Variants in NBAS observed in about 807,000 individuals in gnomAD.
The protein encoded by NBAS is NAG/BC035112 fusion.
NBAS carries 219 observed loss-of-function variants against 302.5 expected under a neutral mutation model. The observed-to-expected ratio is 0.72, with a 90% confidence interval of 0.65 to 0.81. NBAS has a LOEUF of 0.81. NBAS is among the 30% of genes least tolerant of loss of function. The pLI, the probability that NBAS is intolerant of heterozygous loss-of-function variation, is 0.00. For synonymous variants in NBAS, 1,118 were observed against 1,021.6 expected (o/e 1.09, Z -1.80); for missense variants, 2,932 against 2,841.6 (o/e 1.03, Z -0.72).
chr2:15,551,336 A>G (rs930413153), intron 6 of NBAS, among the ~76,000 whole-genome samples, 157 bp downstream of exon 6: 3 of 69,196 alleles, frequency 4.3e-5, no homozygotes, highest in African/African-American at 1.1e-4. Context: ...AATATTTAAG[A>G]CAGTAAAAAA....
intron 47 of NBAS, among the ~76,000 whole-genome samples, chr2:15,228,116 T>C (rs530462523): frequency 6.6e-6 from 1 of 152,216 alleles, no homozygotes; most frequent in South Asian, 2.1e-4. Context: ...ATTCAGGATA[T>C]ACAAGGAACT....
chr2:15,288,595 T>C (rs993018624), intron 41 of NBAS, among the ~76,000 whole-genome samples: 37 of 152,234 alleles, frequency 2.4e-4, no homozygotes, highest in African/African-American at 8.9e-4. Context: ...GATTTGAGAA[T>C]CTCTAGGCAT....
the NBAS span, among the ~76,000 whole-genome samples, chr2:14,953,689 G>A: frequency 1.7e-4 from 26 of 152,274 alleles, no homozygotes; most frequent in Admixed American, 9.2e-4. Flanking sequence ...CTTTCAGCCA[G>A]CCTAAAATCA....
chr2:14,794,731 T>C, the NBAS span, among the ~76,000 whole-genome samples: 12 of 152,304 alleles, frequency 7.9e-5, no homozygotes, highest in Admixed American at 7.2e-4. Context: ...AATTTCCTCA[T>C]GCCCCAATGT....
chr2:14,894,549 A>G, the NBAS span, among the ~76,000 whole-genome samples: 3 of 151,826 alleles, frequency 2.0e-5, no homozygotes, highest in African/African-American at 7.2e-5. Flanking sequence ...AAATATATAT[A>G]TAAATATAAA....
In NBAS at chr2:15,473,241, G is replaced by T; in HGVS notation, c.1706C>A (p.Ala569Asp). Residue 569 changes from alanine to aspartate, a missense_variant, in exon 16 of 52, where the codon GCT becomes GAT. Ala to Asp is a moderately radical substitution (Grantham distance 126, BLOSUM62 -2). Coordinates refer to ENST00000281513, the MANE Select transcript of NBAS (RefSeq NM_015909.4). ...RQWRKSAVNV[A>D]SIQNYLSKIK... ...ACATACCAAATAATTCTGAATTGAA[G>T]CAACGTTGACCGCTGACTTCCTCCA... 2.5e-6 allele frequency: 4 copies of T among 1,613,998 alleles called. No individual in the cohort carries two copies. The highest frequency in any genetic ancestry group is 3.4e-6 in the Non-Finnish European group (4 of 1,179,924).
intron 3 of NBAS, among the ~76,000 whole-genome samples, chr2:15,556,133 C>T (rs888855996): frequency 3.3e-5 from 5 of 152,092 alleles, no homozygotes; most frequent in Admixed American, 1.3e-4. Context: ...AGCAGAAAGA[C>T]GTTGGAGCAA....
chr2:15,199,231 T>C (rs977967045), intron 48 of NBAS, among the ~76,000 whole-genome samples: 2 of 151,632 alleles, frequency 1.3e-5, no homozygotes, highest in African/African-American at 4.8e-5. Context: ...GAAGGAAATA[T>C]TGCCCTAAGA....
chr2:14,989,436 T>C, the NBAS span, among the ~76,000 whole-genome samples: 423 of 152,090 alleles, frequency 2.8e-3, no homozygotes, highest in African/African-American at 9.7e-3. Context: ...CGCATGCCTA[T>C]AGTACCAGCT....
the NBAS span, among the ~76,000 whole-genome samples, chr2:14,794,831 A>C: frequency 4.6e-5 from 7 of 152,174 alleles, no homozygotes; most frequent in African/African-American, 1.7e-4. Context: ...GCATTTTCTA[A>C]AATTTTAAAT....
the NBAS span, among the ~76,000 whole-genome samples, chr2:14,818,026 C>T: frequency 6.6e-6 from 1 of 152,096 alleles, no homozygotes; most frequent in African/African-American, 2.4e-5. Context: ...GCTTTTCCCA[C>T]CCACGAAGTT....
chr2:15,249,117 T>C (rs6728863), intron 44 of NBAS, among the ~76,000 whole-genome samples: 91,651 of 151,984 alleles, frequency 0.6, 30,298 homozygotes, highest in African/African-American at 0.87. Flanking sequence ...TTATCCACCA[T>C]GATCAAGTCA....
the NBAS span, among the ~76,000 whole-genome samples, chr2:14,966,305 T>C: frequency 6.6e-6 from 1 of 152,226 alleles, no homozygotes; most frequent in Non-Finnish European, 1.5e-5. Context: ...ATCCTATGAA[T>C]GCAGGTCTAG....
chr2:15,497,580 T>C (rs942621921), intron 11 of NBAS, among the ~76,000 whole-genome samples: 1 of 151,894 alleles, frequency 6.6e-6, no homozygotes, highest in Non-Finnish European at 1.5e-5. Context: ...GCTATCAGAG[T>C]TTTGTTTTGG....
At chr2:15,369,190 T>C (rs1002914076) in intron 31 of NBAS, among the ~76,000 whole-genome samples, 5 of 152,208 alleles carry the variant, frequency 3.3e-5, no homozygotes, top group African/African-American at 1.2e-4. Flanking sequence ...TCTGGAGTTT[T>C]CATAGCTGCT....
chr2:15,415,216 G>C (rs897235945), intron 25 of NBAS, among the ~76,000 whole-genome samples: 1 of 152,090 alleles, frequency 6.6e-6, no homozygotes, highest in African/African-American at 2.4e-5. Context: ...CTATGCCATA[G>C]GATTGTTATA....
chr2:15,543,497 C>T (rs918980875), intron 6 of NBAS, among the ~76,000 whole-genome samples: 4 of 152,158 alleles, frequency 2.6e-5, no homozygotes, highest in Non-Finnish European at 4.4e-5. Context: ...TAAGACATAT[C>T]TGAGACTGGG....
At chr2:15,178,938 T>C (rs199581132) in intron 51 of NBAS, 50 bp downstream of exon 51, 516 of 1,575,186 alleles carry the variant, frequency 3.3e-4, no homozygotes, top group Middle Eastern at 2.5e-3. Context: ...TTCATTCCTT[T>C]GAAACATTAA....
the NBAS span, among the ~76,000 whole-genome samples, chr2:14,951,830 G>T: frequency 0.048 from 7,313 of 152,234 alleles, 558 homozygotes; most frequent in African/African-American, 0.16. Flanking sequence ...AGGTACATGT[G>T]TGTCAAATTC....
Sources: allele counts gnomAD v4.1 joint callset (sites outside exome capture counted in the v4.1 genomes callset), GRCh38; gene constraint gnomAD v4.1.1; transcripts MANE v1.5; gene names NCBI Gene and HGNC (gene_info 2026-07-23, HGNC 2026-07-21).